Variants in IL1RAPL1 observed in about 807,000 individuals in gnomAD.
IL1RAPL1 encodes the protein interleukin 1 receptor accessory protein like 1, also known as interleukin-1 receptor accessory protein-like 1.
In IL1RAPL1, 3 loss-of-function variants were observed where a neutral mutation model predicts 48.4. That is an observed-to-expected ratio of 0.06 (90% CI 0.03 to 0.16). IL1RAPL1 has a LOEUF of 0.16. Among genes scored for constraint, IL1RAPL1 ranks in the 10% least tolerant of loss-of-function variants. IL1RAPL1 has a pLI of 1.00. For synonymous variants in IL1RAPL1, 185 were observed against 187.7 expected, an observed-to-expected ratio of 0.99 and a Z score of 0.12; for missense variants, 349 against 530.6, an observed-to-expected ratio of 0.66 and a Z score of 3.36.
At chrX:28,886,787 A>G (rs1922641938) in intron 2 of IL1RAPL1, among the ~76,000 whole-genome samples, 1 of 110,458 alleles carries the variant, frequency 9.1e-6, no homozygotes. Flanking sequence ...AGCTATTATG[A>G]TGTAGTTATG....
At chrX:28,831,026 C>CTCTCTCTCTCTCTCTCTCTG (rs1438889606) in intron 2 of IL1RAPL1, among the ~76,000 whole-genome samples, 4 of 33,645 alleles carry the variant, frequency 1.2e-4, no homozygotes, top group African/African-American at 1.5e-4. Context: ...CTCTCTCTCT[C>CTCTCTCTCTCTCTCTCTCTG]TGTGTGTGTG....
intron 6 of IL1RAPL1, among the ~76,000 whole-genome samples, chrX:29,679,956 G>C (rs186573253): frequency 8.9e-6 from 1 of 112,113 alleles, no homozygotes; most frequent in Admixed American, 9.5e-5. Context: ...ACCTAAAATA[G>C]AGAACTGAGG....
At chrX:28,708,562 T>G (rs903822056) in intron 1 of IL1RAPL1, among the ~76,000 whole-genome samples, 2 of 111,947 alleles carry the variant, frequency 1.8e-5, no homozygotes, top group Non-Finnish European at 3.8e-5. Context: ...TAAGTGTTCA[T>G]GAACAAATGA....
chrX:29,189,674 T>A (rs765370723), intron 2 of IL1RAPL1, among the ~76,000 whole-genome samples: 1 of 111,583 alleles, frequency 9.0e-6, no homozygotes, highest in Admixed American at 9.6e-5. Flanking sequence ...CCCAACTTTT[T>A]CCTAAAGCTT....
In IL1RAPL1 at chrX:28,722,941, G is replaced by A. The variant is rs139128047; in HGVS notation, c.-24-66379G>A. Among the ~76,000 whole-genome samples, 828 of 111,524 alleles carry A rather than the reference G, an allele frequency of 7.4e-3. 6 individuals carry two copies. The highest frequency in any genetic ancestry group is 0.014 in the Middle Eastern group (3 of 216). ...ACCAGCCTTGCACCCCAGGGATGAAGTCCACTTGATCATGGTGGATAAGCT... is the reference window on the plus strand; with the variant it reads ...ACCAGCCTTGCACCCCAGGGATGAAATCCACTTGATCATGGTGGATAAGCT... On this transcript the variant is annotated intron_variant, in intron 1 of 10. Transcript: ENST00000378993.
intron 2 of IL1RAPL1, among the ~76,000 whole-genome samples, chrX:29,201,141 T>TTCCA (rs1472357437): frequency 9.0e-6 from 1 of 111,617 alleles, no homozygotes; most frequent in African/African-American, 3.3e-5. Flanking sequence ...ATCTGACATT[T>TTCCA]TCCAATGCCT....
chrX:28,666,655 A>G (rs966447438), intron 1 of IL1RAPL1, among the ~76,000 whole-genome samples: 1 of 111,902 alleles, frequency 8.9e-6, no homozygotes, highest in Non-Finnish European at 1.9e-5. Context: ...GAACAAAAAA[A>G]CCATATTTCT....
At chrX:29,724,031 T>C (rs1212946393) in intron 6 of IL1RAPL1, among the ~76,000 whole-genome samples, 1 of 111,083 alleles carries the variant, frequency 9.0e-6, no homozygotes, top group Non-Finnish European at 1.9e-5. Flanking sequence ...GCCAGGCTGG[T>C]CTCGAACTCC....
chrX:29,140,520 G>A (rs370649427), intron 2 of IL1RAPL1, among the ~76,000 whole-genome samples: 1 of 112,062 alleles, frequency 8.9e-6, no homozygotes, highest in Non-Finnish European at 1.9e-5. Context: ...TAAAAGAGGT[G>A]CTAATAAGCA....
At chrX:29,942,902 C>T (rs905353693) in intron 9 of IL1RAPL1, among the ~76,000 whole-genome samples, 3 of 110,731 alleles carry the variant, frequency 2.7e-5, no homozygotes, top group Non-Finnish European at 5.7e-5. Context: ...ATTACAGGCA[C>T]GAGCTACTGC....
At chrX:29,703,061 A>G (rs996633147) in intron 6 of IL1RAPL1, among the ~76,000 whole-genome samples, 1 of 112,192 alleles carries the variant, frequency 8.9e-6, no homozygotes. Context: ...AGAGGTCAAT[A>G]ATAAGACATG....
In IL1RAPL1 at chrX:29,600,759, A is replaced by G. The variant is rs190165539; in HGVS notation, c.704-67671A>G. Among the ~76,000 whole-genome samples, 12 of 110,812 alleles carry G rather than the reference A, an allele frequency of 1.1e-4. No individual in the cohort carries two copies. The East Asian group carries it at 3.1e-3, about 29-fold the overall frequency. On this transcript the variant is annotated intron_variant, in intron 5 of 10. Coordinates refer to ENST00000378993, the MANE Select transcript of IL1RAPL1 (RefSeq NM_014271.4). The stretch of plus-strand genomic sequence containing the variant: ...GCTTGCTGAAGCTGCTGTGGGGGAT[A>G]GCGGTGTGGTTCCCTGACCAATGGA...
chrX:29,183,506 A>G (rs1179151903), intron 2 of IL1RAPL1, among the ~76,000 whole-genome samples: 1 of 111,129 alleles, frequency 9.0e-6, no homozygotes, highest in Non-Finnish European at 1.9e-5. Context: ...CCCCTCCATG[A>G]TCTACATCTT....
At chrX:29,148,890 C>T (rs750216598) in intron 2 of IL1RAPL1, among the ~76,000 whole-genome samples, 2 of 111,450 alleles carry the variant, frequency 1.8e-5, no homozygotes, top group Admixed American at 9.6e-5. Context: ...CCAGATAATA[C>T]CAGCCTCTTT....
chrX:28,619,740 A>G (rs948512729), intron 1 of IL1RAPL1, among the ~76,000 whole-genome samples: 1 of 111,445 alleles, frequency 9.0e-6, no homozygotes, highest in Non-Finnish European at 1.9e-5. Flanking sequence ...TACATGATTC[A>G]TGCATAATTT....
chrX:28,962,890 G>A (rs868276512), intron 2 of IL1RAPL1, among the ~76,000 whole-genome samples: 2 of 100,974 alleles, frequency 2.0e-5, no homozygotes, highest in African/African-American at 7.6e-5. Flanking sequence ...GTATGTGTGT[G>A]TGTGTGTGTG....
intron 3 of IL1RAPL1, among the ~76,000 whole-genome samples, chrX:29,321,386 T>A (rs889106847): frequency 5.4e-5 from 6 of 112,129 alleles, no homozygotes; most frequent in African/African-American, 1.9e-4. Context: ...AGTGCTGACA[T>A]CACTTTGAAG....
rs374137075 is a variant in IL1RAPL1 at position 29,846,194 on chromosome X, C to T, written c.779-71270C>T. ...TTAGTATCGCTGTTACACTCTGATACTCCCACAAGATAACCCTACCCATCA... is the reference window on the plus strand; with the variant it reads ...TTAGTATCGCTGTTACACTCTGATATTCCCACAAGATAACCCTACCCATCA... On this transcript the variant is annotated intron_variant, in intron 6 of 10. Transcript: ENST00000378993. 8.1e-5 allele frequency among the ~76,000 whole-genome samples: 9 copies of T among 111,666 alleles called. 1 individual carries two copies. The South Asian group carries it at 3.4e-3, about 42-fold the overall frequency.
intron 2 of IL1RAPL1, among the ~76,000 whole-genome samples, chrX:28,943,097 T>G (rs901389860): frequency 4.5e-5 from 5 of 110,029 alleles, no homozygotes; most frequent in African/African-American, 1.6e-4. Flanking sequence ...AAGAATTACC[T>G]TTTATTTCTC....
Sources: allele counts gnomAD v4.1 joint callset (sites outside exome capture counted in the v4.1 genomes callset), GRCh38; gene constraint gnomAD v4.1.1; transcripts MANE v1.5; gene names NCBI Gene and HGNC (gene_info 2026-07-23, HGNC 2026-07-21).